COLGALT2: variants seen among roughly 807,000 people sequenced by gnomAD.
The protein encoded by COLGALT2 is collagen beta(1-O)galactosyltransferase 2.
In COLGALT2, 49 loss-of-function variants were observed where a neutral mutation model predicts 73.4. The observed-to-expected ratio is 0.67, with a 90% CI of 0.53 to 0.85. COLGALT2 has a LOEUF of 0.85. COLGALT2 is among the 40% of genes least tolerant of loss of function. The pLI is 0.00. For synonymous variants in COLGALT2, 295 were observed against 307.6 expected (o/e 0.96, Z 0.43); for missense variants, 722 against 790.2 (o/e 0.91, Z 1.03).
chr1:184,029,247 T>C (rs1377246644), intron 1 of COLGALT2, among the ~76,000 whole-genome samples: 3 of 152,250 alleles, frequency 2.0e-5, no homozygotes, highest in Non-Finnish European at 4.4e-5. Flanking sequence ...TTTATTTTTA[T>C]GAACATTAAT....
chr1:183,987,751 G>A (rs1671526261), intron 1 of COLGALT2, among the ~76,000 whole-genome samples: 2 of 152,218 alleles, frequency 1.3e-5, no homozygotes, highest in African/African-American at 4.8e-5. Flanking sequence ...AATGGGCCAT[G>A]TATGAGCCAA....
chr1:183,998,750 T>G (rs1187390150), intron 1 of COLGALT2, among the ~76,000 whole-genome samples: 2 of 152,242 alleles, frequency 1.3e-5, no homozygotes, highest in African/African-American at 4.8e-5. Flanking sequence ...TTTAATAAAG[T>G]TTCAGAATTT....
chr1:184,035,338 A>G (rs1289010817), intron 1 of COLGALT2, among the ~76,000 whole-genome samples: 3 of 152,364 alleles, frequency 2.0e-5, no homozygotes, highest in South Asian at 2.1e-4. Flanking sequence ...CCCAAATCAC[A>G]TATCAAACTA....
chr1:183,968,629 C>T lies in COLGALT2; in HGVS notation c.832+640G>A, dbSNP rs548031177. Among the ~76,000 whole-genome samples, 3 of 151,730 alleles carry T rather than the reference C, an allele frequency of 2.0e-5. No homozygotes were observed. The East Asian group carries it at 5.8e-4, about 29-fold the overall frequency. On this transcript the variant is annotated intron_variant, in intron 5 of 11. Coordinates refer to ENST00000361927, the MANE Select transcript of COLGALT2 (RefSeq NM_015101.4). ...GTATTGTCCTGTGACTAAGCTCTAGCTAACAGGATTTGCATGGAAGTACTG... is the reference window on the plus strand; with the variant it reads ...GTATTGTCCTGTGACTAAGCTCTAGTTAACAGGATTTGCATGGAAGTACTG...
chr1:183,969,163 T>C (rs1558318772), intron 5 of COLGALT2, 106 bp downstream of exon 5: 4 of 945,372 alleles, frequency 4.2e-6, no homozygotes, highest in Non-Finnish European at 4.5e-6. Context: ...TGCCTCTCAC[T>C]ACCAGACATA....
intron 1 of COLGALT2, among the ~76,000 whole-genome samples, chr1:184,006,587 A>ATT (rs1672090794): frequency 7.5e-6 from 1 of 133,246 alleles, no homozygotes. Flanking sequence ...TCCATCTCAA[A>ATT]AAACAATAAA....
chr1:183,944,701 T>G (rs192777903), intron 9 of COLGALT2, among the ~76,000 whole-genome samples: 131 of 152,210 alleles, frequency 8.6e-4, no homozygotes, highest in Middle Eastern at 3.4e-3. Flanking sequence ...GGGGTGCTTG[T>G]GGGATGCTGG....
chr1:183,975,696 C>G (rs1263909320), intron 2 of COLGALT2, among the ~76,000 whole-genome samples: 1 of 152,222 alleles, frequency 6.6e-6, no homozygotes, highest in Admixed American at 6.5e-5. Context: ...GGAGTCTCCA[C>G]AAATGATTCC....
chr1:184,031,551 A>G (rs926856721), intron 1 of COLGALT2, among the ~76,000 whole-genome samples: 1 of 152,248 alleles, frequency 6.6e-6, no homozygotes, highest in Non-Finnish European at 1.5e-5. Context: ...AACCGACAGA[A>G]GCAAAAACTA....
chr1:183,944,158 C>A, intron 10 of COLGALT2, 38 bp downstream of exon 10: 1 of 1,582,792 alleles, frequency 6.3e-7, no homozygotes, highest in South Asian at 1.2e-5. Context: ...GACTGAGTGC[C>A]TCTCAGAGCC....
At position 183,975,198 on chromosome 1, in the gene COLGALT2, T is replaced by C. The variant is rs1184233545; in HGVS notation, c.391A>G (p.Ile131Val). 1 of 1,613,104 alleles carries C rather than the reference T, an allele frequency of 6.2e-7. No homozygotes were observed. Among genetic ancestry groups the C allele is most frequent in the East Asian group, 2.2e-5 (1 of 44,892 alleles). Residue 131 changes from isoleucine (I) to valine (V), a missense_variant, in exon 3 of 12, where the codon ATT becomes GTT. Coordinates refer to ENST00000361927, the MANE Select transcript of COLGALT2 (RefSeq NM_015101.4). ...MDEPESYPDE[I>V]GPKHWPTSRF... ...GAGGTTGGCCAGTGCTTTGGTCCAA[T>C]TTCATCAGGGTAAGACCTAAAATAA...
At position 183,938,898 on chromosome 1, in the gene COLGALT2, T is replaced by G; in HGVS notation, c.1744A>C (p.Thr582Pro). The G allele has an allele frequency of 6.2e-7, 1 of 1,614,100 alleles. No individual in the cohort carries two copies. The highest frequency in any genetic ancestry group is 8.5e-7 in the Non-Finnish European group (1 of 1,180,010). ...GTCCTATCCCAGTCGGTGGCCACTG[T>G]CTCATTGTCCCAGATGGTGGAGGTC... Reference protein sequence around the residue: ...TETSTIWDNETVATDWDRTHA... With the variant: ...TETSTIWDNEPVATDWDRTHA... Residue 582 changes from threonine to proline, a missense_variant, in exon 12 of 12, where the codon ACA becomes CCA. Thr to Pro is a conservative substitution (Grantham distance 38). Coordinates refer to ENST00000361927, the MANE Select transcript of COLGALT2 (RefSeq NM_015101.4).
chr1:183,993,046 T>C lies in COLGALT2; in HGVS notation c.264-14526A>G, dbSNP rs539940655. Among the ~76,000 whole-genome samples the C allele has an allele frequency of 1.1e-4, 17 of 152,300 alleles. 1 individual carries two copies. In the East Asian group the frequency reaches 3.1e-3, roughly 28 times the overall value. ...GGTAAAGGGTTGCTAAATGAATAAC[T>C]AGATGCAAAAATGCCATCCTCACTT... is the stretch of plus-strand genomic sequence containing the variant. On this transcript the variant is annotated intron_variant, in intron 1 of 11. Transcript: ENST00000361927.
At chr1:184,009,553 C>T (rs1572674252) in intron 1 of COLGALT2, among the ~76,000 whole-genome samples, 1 of 152,112 alleles carries the variant, frequency 6.6e-6, no homozygotes, top group Admixed American at 6.6e-5. Flanking sequence ...TATGAATCCC[C>T]CTTACTTCCT....
In COLGALT2 at chr1:183,994,833, T is replaced by A. The variant is rs1279679989; in HGVS notation, c.264-16313A>T. 2.6e-5 allele frequency among the ~76,000 whole-genome samples: 4 copies of A among 152,250 alleles called. No homozygotes were observed. In the East Asian group the frequency reaches 7.7e-4, roughly 29 times the overall value. On this transcript the variant is annotated intron_variant, in intron 1 of 11. Coordinates refer to ENST00000361927, the MANE Select transcript of COLGALT2 (RefSeq NM_015101.4). ...TTTGGTAAGGTCTTATGGGGAGTAA[T>A]AACAAAATACCTGGCATAAAATCAA...
Position 183,941,041 on chromosome 1 carries a change from A to G in COLGALT2, c.1398-254T>C, listed in dbSNP as rs1474260753. 3.3e-5 allele frequency among the ~76,000 whole-genome samples: 5 copies of G among 152,190 alleles called. No homozygotes were observed. The East Asian group carries it at 9.6e-4, about 29-fold the overall frequency. Reference sequence around the variant, plus strand: ...GCCTAGTGGACGGTTTTCAAGACGGAAAGTAAGATGTCGTAAGATTAAAAG... The same window carrying G: ...GCCTAGTGGACGGTTTTCAAGACGGGAAGTAAGATGTCGTAAGATTAAAAG... On this transcript the variant is annotated intron_variant, in intron 10 of 11. Coordinates refer to ENST00000361927, the MANE Select transcript of COLGALT2 (RefSeq NM_015101.4).
intron 4 of COLGALT2, among the ~76,000 whole-genome samples, chr1:183,969,925 GA>G (rs1670989900): frequency 6.6e-6 from 1 of 152,136 alleles, no homozygotes; most frequent in Non-Finnish European, 1.5e-5. Flanking sequence ...CTAAAACAGG[GA>G]TGACGGCACT....
intron 1 of COLGALT2, among the ~76,000 whole-genome samples, chr1:184,022,936 C>T (rs1448810851): frequency 6.6e-6 from 1 of 152,188 alleles, no homozygotes; most frequent in Non-Finnish European, 1.5e-5. Context: ...GGAAACAAGG[C>T]AGCTGGCCTA....
chr1:183,942,412 G>C (rs1350276631), intron 10 of COLGALT2, among the ~76,000 whole-genome samples: 5 of 151,190 alleles, frequency 3.3e-5, no homozygotes, highest in African/African-American at 1.2e-4. Flanking sequence ...GATACTGTTT[G>C]GATATTTTTG....
Sources: allele counts gnomAD v4.1 joint callset (sites outside exome capture counted in the v4.1 genomes callset), GRCh38; gene constraint gnomAD v4.1.1; transcripts MANE v1.5; gene names NCBI Gene and HGNC (gene_info 2026-07-23, HGNC 2026-07-21).